The following PRSS23 variants were observed in gnomAD, a reference collection of about 807,000 sequenced individuals.
PRSS23 encodes the protein serine protease 23.
PRSS23 carries 25 observed loss-of-function variants against 34.7 expected under a neutral mutation model. That is an observed-to-expected ratio of 0.72 (90% CI 0.53 to 1.01). PRSS23 has a LOEUF of 1.01. Ranked by LOEUF, PRSS23 falls within the 50% of genes least tolerant of loss-of-function variation. PRSS23 has a pLI of 0.00. For missense variants in PRSS23, 445 were observed against 475.6 expected, an observed-to-expected ratio of 0.94 and a Z score of 0.60; for synonymous variants, 176 against 186.6, an observed-to-expected ratio of 0.94 and a Z score of 0.46.
intron 2 of PRSS23, among the ~76,000 whole-genome samples, chr11:86,830,340 C>T (rs190601802): frequency 1.3e-4 from 20 of 152,276 alleles, no homozygotes; most frequent in Admixed American, 3.9e-4. Context: ...TTAAGCCTGT[C>T]GGAAAAGCGC....
rs1320270826 is a variant in PRSS23 at position 86,809,031 on chromosome 11, A to G, written c.*236A>G. 2.6e-6 allele frequency: 1 copy of G among 391,888 alleles called. No individual in the cohort carries two copies. The highest frequency in any genetic ancestry group is 3.9e-5 in the East Asian group (1 of 25,432). The allele number at this position is 391,888 out of a possible 1,614,324, so 24.3% of individuals were successfully genotyped here. A position where few individuals can be genotyped will look rare whatever the true frequency, so the allele number is the denominator to read the frequency against. The stretch of plus-strand genomic sequence containing the variant: ...AAGCAGTTTGAAGGCATACTTTTGC[A>G]TAGAAATAAAAAAAATACTGATTTG... On this transcript the variant is annotated 3_prime_UTR_variant, in exon 2 of 2. Coordinates refer to ENST00000280258, the MANE Select transcript of PRSS23 (RefSeq NM_007173.6).
At chr11:86,904,083 C>A (rs988706209) in intron 2 of PRSS23, among the ~76,000 whole-genome samples, 1 of 152,112 alleles carries the variant, frequency 6.6e-6, no homozygotes, top group African/African-American at 2.4e-5. Flanking sequence ...TCAGGGATAG[C>A]ATATAGGTCT....
At chr11:86,834,854 G>T (rs1948392433) in intron 2 of PRSS23, among the ~76,000 whole-genome samples, 1 of 152,096 alleles carries the variant, frequency 6.6e-6, no homozygotes, top group Non-Finnish European at 1.5e-5. Flanking sequence ...TCTGCCAGCT[G>T]AACAGTAGTT....
intron 2 of PRSS23, among the ~76,000 whole-genome samples, chr11:86,829,927 C>T (rs1018385937): frequency 5.3e-5 from 8 of 152,286 alleles, no homozygotes; most frequent in East Asian, 3.9e-4. Flanking sequence ...TTAGGCTGCT[C>T]GGGTGTCAGG....
chr11:86,905,243 T>C (rs1336060451), intron 2 of PRSS23, among the ~76,000 whole-genome samples: 1 of 152,210 alleles, frequency 6.6e-6, no homozygotes, highest in Non-Finnish European at 1.5e-5. Flanking sequence ...ATTCAGCACA[T>C]AGTGGCTATT....
At chr11:86,849,148 C>G (rs1240129756) in intron 2 of PRSS23, among the ~76,000 whole-genome samples, 2 of 152,178 alleles carry the variant, frequency 1.3e-5, no homozygotes, top group Non-Finnish European at 2.9e-5. Context: ...CCAGGAAGTA[C>G]ACTTCCTCCT....
intron 2 of PRSS23, among the ~76,000 whole-genome samples, chr11:86,867,026 A>G (rs1178925879): frequency 6.6e-6 from 1 of 152,186 alleles, no homozygotes; most frequent in Admixed American, 6.5e-5. Flanking sequence ...ACACAAAACA[A>G]ACTAAGTCAC....
chr11:86,835,358 G>T (rs1296065557), intron 2 of PRSS23, among the ~76,000 whole-genome samples: 2 of 152,176 alleles, frequency 1.3e-5, no homozygotes, highest in Non-Finnish European at 2.9e-5. Flanking sequence ...TATGCCATGG[G>T]TTGCAAGCTC....
In PRSS23 at chr11:86,861,815, G is replaced by C. The variant is rs1055691729; in HGVS notation, c.206+38222G>C. ...TGTCTGATAGGGTGTACACGCCTTT[G>C]TGATATTGTTTGTAATATCCAGAGT... On this transcript the variant is annotated intron_variant, in intron 2 of 2. Transcript: ENST00000533902. 2.0e-5 allele frequency among the ~76,000 whole-genome samples: 3 copies of C among 151,686 alleles called. No homozygotes were observed. The East Asian group carries it at 5.9e-4, about 30-fold the overall frequency.
At chr11:86,873,197 TACACACACACACACACACAG>T (rs1948697025) in intron 2 of PRSS23, among the ~76,000 whole-genome samples, 1 of 135,092 alleles carries the variant, frequency 7.4e-6, no homozygotes. Context: ...TACATATATA[TACACACACACACACACACAG>T]ATATATGTAT....
chr11:86,838,202 A>G (rs1257623801), intron 2 of PRSS23, among the ~76,000 whole-genome samples: 1 of 152,096 alleles, frequency 6.6e-6, no homozygotes, highest in Non-Finnish European at 1.5e-5. Context: ...CATCACAACA[A>G]TCAACCATCA....
intron 1 of PRSS23, among the ~76,000 whole-genome samples, chr11:86,793,132 C>G (rs1947961422): frequency 6.6e-6 from 1 of 152,168 alleles, no homozygotes; most frequent in South Asian, 2.1e-4. Flanking sequence ...TGAACTGTTA[C>G]TTCTGTATTG....
chr11:86,919,187 A>G (rs920817945), intron 2 of PRSS23, among the ~76,000 whole-genome samples: 7 of 152,190 alleles, frequency 4.6e-5, no homozygotes, highest in Admixed American at 4.6e-4. Flanking sequence ...TCCATCCAGC[A>G]AATGTTTTTA....
Position 86,810,884 on chromosome 11 carries a change from T to C in PRSS23, c.*2089T>C, listed in dbSNP as rs1948171154. ...TTAGTGATAATAAAAGAAAGCATGG[T>C]ATTAAACTATCATAGAAGTAGACAG... On this transcript the variant is annotated 3_prime_UTR_variant, in exon 2 of 2. Transcript: ENST00000280258. The C allele has an allele frequency of 1.2e-5, 2 of 167,050 alleles. No individual in the cohort carries two copies. The highest frequency in any genetic ancestry group is 2.4e-5 in the African/African-American group (1 of 41,450). 10.3% of individuals were successfully genotyped at this position (167,050 alleles called of 1,614,324 possible).
intron 2 of PRSS23, among the ~76,000 whole-genome samples, chr11:86,923,099 T>A (rs1387694677): frequency 6.6e-6 from 1 of 151,768 alleles, no homozygotes; most frequent in Non-Finnish European, 1.5e-5. Context: ...ATAATATATG[T>A]TAAAATTAAT....
At chr11:86,805,596 T>C (rs1948091112) in intron 1 of PRSS23, among the ~76,000 whole-genome samples, 1 of 152,176 alleles carries the variant, frequency 6.6e-6, no homozygotes, top group Non-Finnish European at 1.5e-5. Flanking sequence ...CCCAAGGAAC[T>C]GGCTTTTCCA....
At chr11:86,868,080 A>C (rs1316258687) in intron 2 of PRSS23, among the ~76,000 whole-genome samples, 2 of 151,624 alleles carry the variant, frequency 1.3e-5, no homozygotes, top group African/African-American at 4.9e-5. Flanking sequence ...AAAAAAAGTG[A>C]AGCCTAGGGG....
chr11:86,951,982 G>A, exon 3 of PRSS23: 4 of 1,614,068 alleles, frequency 2.5e-6, no homozygotes, highest in Non-Finnish European at 3.4e-6. Context: ...AGCACATACT[G>A]AGAAATATGA....
rs150626819 is a variant in PRSS23 at position 86,817,166 on chromosome 11, C to T, written c.-11-6211C>T. Among the ~76,000 whole-genome samples the T allele has an allele frequency of 1.7e-3, 261 of 152,112 alleles. 1 individual carries two copies. Among genetic ancestry groups the T allele is most frequent in the African/African-American group, 6.2e-3 (257 of 41,502 alleles). On this transcript the variant is annotated intron_variant, in intron 1 of 2. Transcript: ENST00000533902. ...TGTGATTTTTTTTATTGCCTTCTAA[C>T]TGTGGGCTTCTGTTTCCCTCATGCT...
Sources: gnomAD v4.1 joint callset for allele counts (sites outside exome capture counted in the v4.1 genomes callset) on GRCh38, gnomAD v4.1.1 for gene constraint, MANE v1.5 for transcripts, NCBI Gene and HGNC (gene_info 2026-07-23, HGNC 2026-07-21) for gene names.